The following PLEKHG4B variants were observed in gnomAD, a reference collection of about 807,000 sequenced individuals.
PLEKHG4B encodes pleckstrin homology and RhoGEF domain containing G4B.
In PLEKHG4B, 111 loss-of-function variants were observed where a neutral mutation model predicts 121.3. That is an observed-to-expected ratio of 0.92 (90% CI 0.78 to 1.07). PLEKHG4B has a LOEUF of 1.07. Ranked by LOEUF, PLEKHG4B falls within the 50% of genes least tolerant of loss-of-function variation. The pLI is 0.00. For synonymous variants in PLEKHG4B, 738 were observed against 725.0 expected, an observed-to-expected ratio of 1.02 and a Z score of -0.29; for missense variants, 1,831 against 1,757.8, an observed-to-expected ratio of 1.04 and a Z score of -0.74.
chr5:120,103 A>G (rs1442448261), intron 2 of PLEKHG4B, among the ~76,000 whole-genome samples: 1 of 152,130 alleles, frequency 6.6e-6, no homozygotes, highest in Non-Finnish European at 1.5e-5. Flanking sequence ...CTAAAACTTA[A>G]CCAGTCATGG....
rs1282208328 is a variant in PLEKHG4B, at chr5:137,809, G to A, written c.244-1674G>A. 2.6e-5 allele frequency among the ~76,000 whole-genome samples: 4 copies of A among 152,236 alleles called. No homozygotes were observed. The highest frequency in any genetic ancestry group is 2.6e-4 in the Admixed American group (4 of 15,292). ...GGCAATAGGATCGGGGACGGACTCT[G>A]GGGGCCAGGCTCGGGGAGGCCCTTA... On this transcript the variant is annotated intron_variant, in intron 2 of 19. Coordinates refer to ENST00000637938, the MANE Select transcript of PLEKHG4B (RefSeq NM_052909.5). This position sits in a 1 kb window ranked among gnomAD's most constrained non-coding sequence, Gnocchi z 4.2.
At chr5:138,311 T>G (rs772334700) in intron 2 of PLEKHG4B, among the ~76,000 whole-genome samples, 1 of 152,236 alleles carries the variant, frequency 6.6e-6, no homozygotes, top group Non-Finnish European at 1.5e-5. Context: ...GTTTTATGCC[T>G]CCTGTTCAGT....
Position 171,107 on chromosome 5 carries a change from G to T in PLEKHG4B, c.3794G>T (p.Ser1265Ile), listed in dbSNP as rs1371797569. 1.2e-6 allele frequency: 2 copies of T among 1,613,350 alleles called. No individual in the cohort carries two copies. Among genetic ancestry groups the T allele is most frequent in the Non-Finnish European group, 1.7e-6 (2 of 1,179,802 alleles). The change falls in exon 15 of 20, where the codon AGC becomes ATC. Residue 1265 changes from serine to isoleucine, a missense_variant. Coordinates refer to ENST00000637938, the MANE Select transcript of PLEKHG4B (RefSeq NM_052909.5). ...KNKPQSDALL[S>I]SHGNAFFKDK... ...AAGCCGCAGTCGGATGCCCTGCTCAGCAGCCATGGCAACGCCTTCTTCAAG... is the reference window on the plus strand; with the variant it reads ...AAGCCGCAGTCGGATGCCCTGCTCATCAGCCATGGCAACGCCTTCTTCAAG...
In PLEKHG4B at chr5:188,700, C is replaced by T. The variant is rs1185056800; in HGVS notation, c.*6377C>T. 6.6e-6 allele frequency: 1 copy of T among 152,280 alleles called. No individual in the cohort carries two copies. Among genetic ancestry groups the T allele is most frequent in the Non-Finnish European group, 1.5e-5 (1 of 68,068 alleles). 9.4% of individuals were successfully genotyped at this position (152,280 alleles called of 1,614,324 possible). ...TGACACCAGCTGGGTGGAGCTGCCGCCGAGTCCACGCCCCGTCTGGCTGGG... is the reference window on the plus strand; with the variant it reads ...TGACACCAGCTGGGTGGAGCTGCCGTCGAGTCCACGCCCCGTCTGGCTGGG... On this transcript the variant is annotated 3_prime_UTR_variant, in exon 20 of 20. Transcript: ENST00000637938.
At chr5:145,707 C>T (rs10066355) in intron 6 of PLEKHG4B, among the ~76,000 whole-genome samples, 33,101 of 152,018 alleles carry the variant, frequency 0.22, 5,564 homozygotes, top group African/African-American at 0.47. Context: ...TGGGAAGCAC[C>T]GGGGATGGGA....
At chr5:112,711 C>T (rs1418128910) in intron 1 of PLEKHG4B, among the ~76,000 whole-genome samples, 1 of 152,164 alleles carries the variant, frequency 6.6e-6, no homozygotes, top group African/African-American at 2.4e-5. Context: ...ACAAAATCAT[C>T]GACACAATTA....
chr5:140,262 G>T lies in PLEKHG4B; in HGVS notation c.1023G>T (p.Gly341=). 2.1e-6 allele frequency: 3 copies of T among 1,455,068 alleles called. No homozygotes were observed. The highest frequency in any genetic ancestry group is 2.7e-6 in the Non-Finnish European group (3 of 1,102,344). The allele number at this position is 1,455,068 out of a possible 1,614,324, so 90.1% of individuals were successfully genotyped here. Residue 341 remains glycine, a synonymous_variant, in exon 3 of 20, where the codon GGG becomes GGT. Transcript: ENST00000637938. Reference sequence around the variant, plus strand: ...CGAGCAGCAGGAGGCGGCCGCCGGGGGACCCCACTTGTGTGCAGCCTAGAC... The same window carrying T: ...CGAGCAGCAGGAGGCGGCCGCCGGGTGACCCCACTTGTGTGCAGCCTAGAC... ...GIPSSRRRPP[G]DPTCVQPRRW...
In PLEKHG4B at chr5:113,583, C is replaced by T; in HGVS notation, c.243+135C>T. ...TCTGGCTTCTGGCTCCTCCCACCCT[C>T]ATCCCAAATGAAGGGTCAAACAAGG... On this transcript the variant is annotated intron_variant, in intron 2 of 19. Transcript: ENST00000637938. The surrounding 1 kb of genome is among the most constrained non-coding windows in gnomAD (Gnocchi z 5.2). 2.5e-6 allele frequency: 1 copy of T among 397,948 alleles called. No individual in the cohort carries two copies. Among genetic ancestry groups the T allele is most frequent in the Non-Finnish European group, 4.4e-6 (1 of 226,182 alleles). 24.7% of individuals were successfully genotyped at this position (397,948 alleles called of 1,614,324 possible).
chr5:115,257 A>G (rs1228484295), intron 2 of PLEKHG4B, among the ~76,000 whole-genome samples: 1 of 152,196 alleles, frequency 6.6e-6, no homozygotes, highest in African/African-American at 2.4e-5. Flanking sequence ...TTTTGAAAGG[A>G]ATCTTTTTTT....
chr5:161,196 A>C (rs1002094577), intron 11 of PLEKHG4B, among the ~76,000 whole-genome samples: 1 of 152,236 alleles, frequency 6.6e-6, no homozygotes, highest in African/African-American at 2.4e-5. Flanking sequence ...GCGTAGCCAC[A>C]GGCGCTCCGT....
rs746947305 is a variant in PLEKHG4B, at chr5:169,642, G to T, written c.3729+50G>T. The T allele has an allele frequency of 1.9e-6, 3 of 1,599,716 alleles. No homozygotes were observed. The South Asian group carries it at 3.3e-5, about 18-fold the overall frequency. Reference sequence around the variant, plus strand: ...GCCGGGCAACGTGGTGGGTGAAGCCGGTGTCAGAGAGGCGGGGCCTACAGG... The same window carrying T: ...GCCGGGCAACGTGGTGGGTGAAGCCTGTGTCAGAGAGGCGGGGCCTACAGG... On this transcript the variant is annotated intron_variant, in intron 14 of 19. Transcript: ENST00000637938.
At position 171,608 on chromosome 5, in the gene PLEKHG4B, A is replaced by G. The variant is rs539488052; in HGVS notation, c.4050+164A>G. ...CCTTCTGAAGGCCGCAGCGGGGGCC[A>G]CCTGGAGGAGGGTCTTACCTGTCTG... is the stretch of plus-strand genomic sequence containing the variant. On this transcript the variant is annotated intron_variant, in intron 16 of 19. Coordinates refer to ENST00000637938, the MANE Select transcript of PLEKHG4B (RefSeq NM_052909.5). Among the ~76,000 whole-genome samples the G allele has an allele frequency of 3.3e-5, 5 of 152,262 alleles. No homozygotes were observed. The South Asian group carries it at 1.0e-3, about 32-fold the overall frequency.
chr5:136,300 CA>C (rs1734982311), intron 2 of PLEKHG4B, among the ~76,000 whole-genome samples: 2 of 152,030 alleles, frequency 1.3e-5, no homozygotes, highest in African/African-American at 4.8e-5. Context: ...GCACAACCAT[CA>C]AAAGTGAAAA....
Position 140,407 on chromosome 5 carries a change from A to G in PLEKHG4B, c.1168A>G (p.Thr390Ala), listed in dbSNP as rs1438465139. The change falls in exon 3 of 20, where the codon ACT (threonine) becomes GCT (alanine). Residue 390 changes from threonine to alanine, a missense_variant. Transcript: ENST00000637938. ...SLTGASRDLG[T>A]GAVASGTQEE... ...GACTGGAGCCAGCAGGGACCTGGGG[A>G]CTGGGGCAGTAGCCAGTGGGACCCA... 1 of 1,555,254 alleles carries G rather than the reference A, an allele frequency of 6.4e-7. No homozygotes were observed. Among genetic ancestry groups the G allele is most frequent in the Admixed American group, 1.9e-5 (1 of 51,630 alleles).
chr5:163,094 C>G lies in PLEKHG4B; in HGVS notation c.3022C>G (p.Pro1008Ala). The G allele has an allele frequency of 1.3e-6, 2 of 1,563,838 alleles. No individual in the cohort carries two copies. The highest frequency in any genetic ancestry group is 1.7e-6 in the Non-Finnish European group (2 of 1,154,112). ...GGGTGGTGCCTGGGAACCTGCGCAACCACTGTCCGGCCTCCCTGGACGAGC... is the reference window on the plus strand; with the variant it reads ...GGGTGGTGCCTGGGAACCTGCGCAAGCACTGTCCGGCCTCCCTGGACGAGC... ...SGGGAWEPAQ[P>A]LSGLPGRALL... The change falls in exon 13 of 20, where the codon CCA (proline) becomes GCA (alanine). Residue 1008 changes from proline (P) to alanine (A), a missense_variant. Transcript: ENST00000637938.
chr5:92,951 G>A (rs1198383540), intron 1 of PLEKHG4B, among the ~76,000 whole-genome samples: 3 of 152,134 alleles, frequency 2.0e-5, no homozygotes, highest in East Asian at 1.9e-4. Context: ...GTGAAAGAGT[G>A]ATAAAGCTGT....
chr5:109,881 C>T (rs910401491), intron 1 of PLEKHG4B, among the ~76,000 whole-genome samples: 4 of 152,242 alleles, frequency 2.6e-5, no homozygotes, highest in Non-Finnish European at 5.9e-5. Context: ...CACACGTGCA[C>T]ACACTGGTTG....
At position 182,385 on chromosome 5, in the gene PLEKHG4B, A is replaced by C. The variant is rs937715370; in HGVS notation, c.*62A>C. On this transcript the variant is annotated 3_prime_UTR_variant, in exon 20 of 20. Coordinates refer to ENST00000637938, the MANE Select transcript of PLEKHG4B (RefSeq NM_052909.5). Reference sequence around the variant, plus strand: ...AACAATACAGAGGGAGCAGCACGCCAGGCCTGATGACTCTGGGGGTGGCGG... The same window carrying C: ...AACAATACAGAGGGAGCAGCACGCCCGGCCTGATGACTCTGGGGGTGGCGG... 1.3e-6 allele frequency: 2 copies of C among 1,487,338 alleles called. No individual in the cohort carries two copies. Among genetic ancestry groups the C allele is most frequent in the African/African-American group, 2.8e-5 (2 of 72,110 alleles). 92.1% of individuals were successfully genotyped at this position (1,487,338 alleles called of 1,614,324 possible).
intron 1 of PLEKHG4B, among the ~76,000 whole-genome samples, chr5:97,671 C>G (rs998314776): frequency 1.4e-5 from 2 of 144,204 alleles, no homozygotes; most frequent in Non-Finnish European, 3.0e-5. Flanking sequence ...TGTGGATAGA[C>G]CACAGTTGTC....
Sources: gnomAD v4.1 joint callset for allele counts (sites outside exome capture counted in the v4.1 genomes callset) on GRCh38, gnomAD v4.1.1 for gene constraint, Gnocchi (gnomAD v3.1) non-coding constraint, MANE v1.5 for transcripts, NCBI Gene and HGNC (gene_info 2026-07-23, HGNC 2026-07-21) for gene names.